Variants in KRAS observed in about 807,000 individuals in gnomAD.
The protein encoded by KRAS is GTPase KRas.
In KRAS, 1 loss-of-function variant was observed where a neutral mutation model predicts 21.0. The observed-to-expected ratio is 0.05, with a 90% CI of 0.02 to 0.23. KRAS has a LOEUF of 0.23. Ranked by LOEUF, KRAS falls within the 10% of genes least tolerant of loss-of-function variation. The probability of loss-of-function intolerance (pLI) is 1.00; values close to 1 mark genes in which losing one functional copy is unlikely to be tolerated. For missense variants in KRAS, 107 were observed against 221.8 expected (o/e 0.48, Z 3.29); for synonymous variants, 67 against 72.5 (o/e 0.92, Z 0.39).
intron 4 of KRAS, among the ~76,000 whole-genome samples, chr12:25,218,999 G>A (rs1420027236): frequency 6.6e-6 from 1 of 151,246 alleles, no homozygotes; most frequent in Non-Finnish European, 1.5e-5. Flanking sequence ...GACTGCAGTG[G>A]TGCAATCTCG....
chr12:25,228,379 CAA>C (rs796999300), intron 2 of KRAS, among the ~76,000 whole-genome samples: 1 of 145,328 alleles, frequency 6.9e-6, no homozygotes. Context: ...TTCCAAAATC[CAA>C]AAAAAAAATC....
chr12:25,238,313 T>C (rs1951568774), intron 2 of KRAS, among the ~76,000 whole-genome samples: 1 of 152,190 alleles, frequency 6.6e-6, no homozygotes, highest in Admixed American at 6.5e-5. Context: ...CAGATGGCAT[T>C]TGCCCACAAG....
chr12:25,244,162 G>A (rs963881643), intron 2 of KRAS, among the ~76,000 whole-genome samples: 1 of 152,170 alleles, frequency 6.6e-6, no homozygotes, highest in African/African-American at 2.4e-5. Flanking sequence ...ACACAGTACA[G>A]TACGTTAATA....
intron 2 of KRAS, chr12:25,234,713 A>G (rs1328224412): frequency 5.3e-6 from 1 of 189,172 alleles, no homozygotes; most frequent in Non-Finnish European, 1.1e-5. Flanking sequence ...CTCATTCAAG[A>G]TAAGATAACC....
intron 4 of KRAS, among the ~76,000 whole-genome samples, chr12:25,218,945 GTT>G (rs71065925): frequency 0.5 from 71,586 of 144,322 alleles, 18,349 homozygotes; most frequent in East Asian, 0.8. Flanking sequence ...TTCTTTTTTT[GTT>G]TTTTTTTTTT....
intron 1 of KRAS, among the ~76,000 whole-genome samples, chr12:25,250,244 G>C (rs1378448693): frequency 5.3e-5 from 8 of 152,142 alleles, no homozygotes; most frequent in Non-Finnish European, 1.0e-4. Flanking sequence ...GCTCGAGGGA[G>C]AAGTTTATAC....
intron 4 of KRAS, among the ~76,000 whole-genome samples, chr12:25,216,306 G>T (rs1033528478): frequency 2.0e-5 from 3 of 152,076 alleles, no homozygotes; most frequent in African/African-American, 7.2e-5. Flanking sequence ...TAGAGACAGG[G>T]TCTCACTGGG....
At position 25,205,909 on chromosome 12, in the gene KRAS, T is replaced by A; in HGVS notation, c.*3886A>T. On this transcript the variant is annotated 3_prime_UTR_variant, in exon 5 of 5. Coordinates refer to ENST00000311936, the MANE Select transcript of KRAS (RefSeq NM_004985.5). ...AGCTATTCAGTTTCTCAATGCAGAA[T>A]TCATGCTATCCAGTATTAACACAGA... The A allele has an allele frequency of 4.6e-6, 1 of 215,968 alleles. No individual in the cohort carries two copies. The highest frequency in any genetic ancestry group is 9.3e-6 in the Non-Finnish European group (1 of 107,220). The allele number at this position is 215,968 out of a possible 1,614,324, so 13.4% of individuals were successfully genotyped here.
At chr12:25,216,211 AT>A (rs1951253605) in intron 4 of KRAS, among the ~76,000 whole-genome samples, 1 of 152,230 alleles carries the variant, frequency 6.6e-6, no homozygotes, top group South Asian at 2.1e-4. Context: ...TTACCATAAT[AT>A]AAAAACATCA....
intron 4 of KRAS, among the ~76,000 whole-genome samples, chr12:25,211,968 C>A (rs894498259): frequency 6.6e-5 from 10 of 152,278 alleles, no homozygotes; most frequent in African/African-American, 2.4e-4. Flanking sequence ...AATTTATCAG[C>A]AATACAATAC....
At chr12:25,245,177 T>C (rs573440059) in intron 2 of KRAS, 97 bp downstream of exon 2, 1 of 1,276,032 alleles carries the variant, frequency 7.8e-7, no homozygotes, top group East Asian at 2.5e-5. Context: ...AGCATAATTA[T>C]CTTGTAATAA....
intron 4 of KRAS, among the ~76,000 whole-genome samples, chr12:25,213,645 T>A (rs1951222761): frequency 6.6e-6 from 1 of 152,200 alleles, no homozygotes; most frequent in Non-Finnish European, 1.5e-5. Flanking sequence ...CAAATGTATA[T>A]TTTATACTTT....
chr12:25,219,872 T>A (rs1037242520), intron 4 of KRAS, among the ~76,000 whole-genome samples: 1 of 152,174 alleles, frequency 6.6e-6, no homozygotes, highest in Non-Finnish European at 1.5e-5. Flanking sequence ...ACATAGCACA[T>A]AAGGAGGTTG....
chr12:25,236,679 TG>T (rs892515019), intron 2 of KRAS, among the ~76,000 whole-genome samples: 3 of 151,956 alleles, frequency 2.0e-5, no homozygotes, highest in Non-Finnish European at 2.9e-5. Flanking sequence ...GAGCAGAGAC[TG>T]GGAGATGAGC....
At chr12:25,219,917 CAATT>C (rs60633783) in intron 4 of KRAS, among the ~76,000 whole-genome samples, 29,541 of 152,080 alleles carry the variant, frequency 0.19, 2,930 homozygotes, top group Middle Eastern at 0.24. Context: ...GTTCTTCTAA[CAATT>C]AATTTAAATA....
chr12:25,247,859 A>C (rs890092577), intron 1 of KRAS, among the ~76,000 whole-genome samples: 1 of 152,164 alleles, frequency 6.6e-6, no homozygotes, highest in Admixed American at 6.5e-5. Flanking sequence ...CACTTTTCTA[A>C]GTTTTGGTTT....
At position 25,248,290 on chromosome 12, in the gene KRAS, G is replaced by T. The variant is rs73288868; in HGVS notation, c.-12+2461C>A. On this transcript the variant is annotated intron_variant, in intron 1 of 4. Coordinates refer to ENST00000311936, the MANE Select transcript of KRAS (RefSeq NM_004985.5). ...AGCCTGGCCAACATGGTGAAATCCC[G>T]TATCTAAAAATACAATTAGCCCGGT... Among the ~76,000 whole-genome samples the T allele has an allele frequency of 1.8e-4, 28 of 152,124 alleles. No individual in the cohort carries two copies. In the East Asian group the frequency reaches 2.0e-3, roughly 11 times the overall value.
chr12:25,224,038 G>A (rs988170353), intron 4 of KRAS, among the ~76,000 whole-genome samples: 1 of 152,036 alleles, frequency 6.6e-6, no homozygotes, highest in Admixed American at 6.6e-5. Context: ...ATTGCTTAGT[G>A]ATGTTATAGC....
intron 3 of KRAS, among the ~76,000 whole-genome samples, chr12:25,226,108 C>T (rs1478401834): frequency 2.0e-5 from 3 of 151,984 alleles, no homozygotes; most frequent in African/African-American, 4.8e-5. Context: ...ATTTTAGAAA[C>T]GTATGTTAAA....
Sources: allele counts gnomAD v4.1 joint callset (sites outside exome capture counted in the v4.1 genomes callset), GRCh38; gene constraint gnomAD v4.1.1; transcripts MANE v1.5; gene names NCBI Gene and HGNC (gene_info 2026-07-23, HGNC 2026-07-21).